Variants in PPFIBP1 observed in about 807,000 individuals in gnomAD.
PPFIBP1 encodes the protein PPFIB scaffold protein 1.
A neutral mutation model predicts 137.8 loss-of-function variants in PPFIBP1; 112 were observed. That is an observed-to-expected ratio of 0.81 (90% CI 0.70 to 0.95). PPFIBP1 has a LOEUF of 0.95. PPFIBP1 is among the 40% of genes least tolerant of loss of function. The probability of loss-of-function intolerance (pLI) is 0.00; values close to 1 mark genes in which losing one functional copy is unlikely to be tolerated. For missense variants in PPFIBP1, 1,083 were observed against 1,196.6 expected, an observed-to-expected ratio of 0.91 and a Z score of 1.40; for synonymous variants, 378 against 417.3, an observed-to-expected ratio of 0.91 and a Z score of 1.15.
chr12:27,531,927 G>A (rs1037167751), intron 1 of PPFIBP1, among the ~76,000 whole-genome samples: 1 of 151,912 alleles, frequency 6.6e-6, no homozygotes, highest in Non-Finnish European at 1.5e-5. Context: ...GATGAAGGGC[G>A]GGGACTCCAG....
At chr12:27,639,778 TA>T (rs1266921434) in intron 4 of PPFIBP1, among the ~76,000 whole-genome samples, 2 of 152,240 alleles carry the variant, frequency 1.3e-5, no homozygotes, top group Non-Finnish European at 1.5e-5. Context: ...CCCAAATGTA[TA>T]TTTTTAAAAG....
intron 1 of PPFIBP1, among the ~76,000 whole-genome samples, chr12:27,556,908 G>A (rs1310823656): frequency 2.0e-5 from 3 of 151,396 alleles, no homozygotes; most frequent in Non-Finnish European, 4.4e-5. Context: ...AAGGGAAGGA[G>A]AGAGGGGGAT....
At chr12:27,610,880 A>C (rs923754305) in intron 2 of PPFIBP1, among the ~76,000 whole-genome samples, 14 of 150,070 alleles carry the variant, frequency 9.3e-5, no homozygotes, top group African/African-American at 3.2e-4. Context: ...GAGTTCAGTT[A>C]TTTTTCTTTT....
At chr12:27,668,521 AG>A (rs1458191895) in intron 13 of PPFIBP1, among the ~76,000 whole-genome samples, 2 of 152,258 alleles carry the variant, frequency 1.3e-5, no homozygotes, top group East Asian at 3.8e-4. Context: ...CTATATTTGC[AG>A]ATGAGTAGTT....
intron 2 of PPFIBP1, among the ~76,000 whole-genome samples, chr12:27,622,268 C>A (rs990552913): frequency 6.6e-6 from 1 of 152,018 alleles, no homozygotes; most frequent in South Asian, 2.1e-4. Flanking sequence ...GCCAGTTTGC[C>A]CCCCCAGAGC....
chr12:27,592,962 A>C (rs1219063586), intron 2 of PPFIBP1, among the ~76,000 whole-genome samples: 1 of 151,918 alleles, frequency 6.6e-6, no homozygotes, highest in African/African-American at 2.4e-5. Flanking sequence ...CAACATGGTG[A>C]AACACTGTCT....
chr12:27,687,793 C>G (rs1243997652), intron 25 of PPFIBP1, among the ~76,000 whole-genome samples: 1 of 152,094 alleles, frequency 6.6e-6, no homozygotes, highest in Admixed American at 6.5e-5. Context: ...ATAAAGACTT[C>G]CTTTTCTGGC....
intron 2 of PPFIBP1, among the ~76,000 whole-genome samples, chr12:27,587,598 C>T (rs1265622561): frequency 1.7e-5 from 2 of 114,672 alleles, no homozygotes; most frequent in South Asian, 3.1e-4. Context: ...ACCCCAGCCT[C>T]GGGGACAGAG....
intron 8 of PPFIBP1, among the ~76,000 whole-genome samples, chr12:27,655,919 T>C (rs2059169395): frequency 6.6e-6 from 1 of 152,260 alleles, no homozygotes; most frequent in East Asian, 1.9e-4. Context: ...TTGCTAAAAC[T>C]AATTCTTTAC....
intron 1 of PPFIBP1, among the ~76,000 whole-genome samples, chr12:27,568,104 T>C (rs2049838831): frequency 6.6e-6 from 1 of 152,166 alleles, no homozygotes; most frequent in Non-Finnish European, 1.5e-5. Context: ...ATCTTTCCTC[T>C]TAAGAGACTA....
intron 2 of PPFIBP1, among the ~76,000 whole-genome samples, chr12:27,589,445 CAT>C (rs2052203586): frequency 6.6e-6 from 1 of 152,124 alleles, no homozygotes; most frequent in South Asian, 2.1e-4. Flanking sequence ...GCACCTGGCC[CAT>C]AATGTATTTG....
At chr12:27,555,485 C>T (rs1379092025) in intron 1 of PPFIBP1, among the ~76,000 whole-genome samples, 2 of 151,998 alleles carry the variant, frequency 1.3e-5, no homozygotes, top group African/African-American at 2.4e-5. Context: ...TTATTATATG[C>T]AAAAAAGGTT....
chr12:27,648,498 A>T (rs6487626), intron 6 of PPFIBP1, among the ~76,000 whole-genome samples: 48,870 of 152,064 alleles, frequency 0.32, 8,019 homozygotes, highest in African/African-American at 0.37. Flanking sequence ...CCACTGCTGG[A>T]TATATACCCA....
chr12:27,662,815 A>G (rs956383917), intron 11 of PPFIBP1, among the ~76,000 whole-genome samples: 2 of 152,264 alleles, frequency 1.3e-5, no homozygotes, highest in Admixed American at 1.3e-4. Flanking sequence ...GTAGAACTAT[A>G]GATTAGTGGG....
At chr12:27,546,714 TAA>T (rs943949259) in intron 1 of PPFIBP1, among the ~76,000 whole-genome samples, 15 of 152,212 alleles carry the variant, frequency 9.9e-5, no homozygotes, top group Non-Finnish European at 7.3e-5. Flanking sequence ...TCCCTGTTCT[TAA>T]AAGTTTGGAA....
intron 1 of PPFIBP1, among the ~76,000 whole-genome samples, chr12:27,544,173 T>G (rs1221657205): frequency 6.6e-6 from 1 of 152,174 alleles, no homozygotes; most frequent in African/African-American, 2.4e-5. Context: ...TGAGCCATCA[T>G]GTCCCCCCTG....
intron 1 of PPFIBP1, among the ~76,000 whole-genome samples, chr12:27,564,057 G>A (rs912851063): frequency 5.3e-5 from 8 of 152,028 alleles, no homozygotes; most frequent in Non-Finnish European, 1.0e-4. Context: ...ATTTTTAGTA[G>A]AGACAGAGTT....
At chr12:27,554,403 A>G (rs1441689970) in intron 1 of PPFIBP1, among the ~76,000 whole-genome samples, 1 of 152,260 alleles carries the variant, frequency 6.6e-6, no homozygotes, top group East Asian at 1.9e-4. Flanking sequence ...GTTCTTATTC[A>G]GTATTTTTAT....
chr12:27,617,754 A>G (rs73080258), intron 2 of PPFIBP1, among the ~76,000 whole-genome samples: 21,421 of 152,170 alleles, frequency 0.14, 1,537 homozygotes, highest in African/African-American at 0.15. Flanking sequence ...ATTCATAGAT[A>G]TGAAATTCAT....
Sources: allele counts gnomAD v4.1 joint callset (sites outside exome capture counted in the v4.1 genomes callset), GRCh38; gene constraint gnomAD v4.1.1; transcripts MANE v1.5; gene names NCBI Gene and HGNC (gene_info 2026-07-23, HGNC 2026-07-21).